Variants in RORA observed in about 807,000 individuals in gnomAD.
The protein encoded by RORA is RAR related orphan receptor A.
Under a neutral mutation model 69.5 loss-of-function variants are expected in RORA, and 7 were observed. The ratio of observed to expected loss-of-function variants is 0.10; its 90% CI spans 0.06 to 0.19. The LOEUF is 0.19. RORA is among the 10% of genes least tolerant of loss of function. The pLI, the probability that RORA is intolerant of heterozygous loss-of-function variation, is 1.00. For missense variants in RORA, 457 were observed against 663.0 expected (o/e 0.69, Z 3.41); for synonymous variants, 261 against 240.8 (o/e 1.08, Z -0.78).
intron 2 of RORA, among the ~76,000 whole-genome samples, chr15:60,573,574 G>A (rs186586699): frequency 7.2e-5 from 11 of 152,274 alleles, no homozygotes; most frequent in Non-Finnish European, 1.6e-4. Context: ...AACAACTCCC[G>A]TAGAATGAGG....
At chr15:60,533,502 A>G (rs562691421) in intron 2 of RORA, among the ~76,000 whole-genome samples, 108 of 152,244 alleles carry the variant, frequency 7.1e-4, no homozygotes, top group Non-Finnish European at 1.3e-3. Flanking sequence ...GAAATATGGT[A>G]TCTAATAATG....
chr15:60,623,818 G>T (rs974896681), intron 2 of RORA, among the ~76,000 whole-genome samples: 1 of 152,172 alleles, frequency 6.6e-6, no homozygotes, highest in Admixed American at 6.5e-5. Flanking sequence ...AAAACTATTG[G>T]TTGATCATTT....
At chr15:61,169,769 G>A (rs114226696) in intron 1 of RORA, among the ~76,000 whole-genome samples, 1,553 of 124,610 alleles carry the variant, frequency 0.012, 37 homozygotes, top group African/African-American at 0.039. Context: ...CCTTACAAAC[G>A]GCCTCAGAAA....
rs1478686529 is a variant in RORA, at chr15:60,493,058, T to C, written c.*4397A>G. On this transcript the variant is annotated 3_prime_UTR_variant, in exon 11 of 11. Transcript: ENST00000335670. ...AGGGCTTCTATCGTTGATACCAAGATGGATTGTCATTCACAGTAAGTCAAT... is the reference window on the plus strand; with the variant it reads ...AGGGCTTCTATCGTTGATACCAAGACGGATTGTCATTCACAGTAAGTCAAT... The C allele has an allele frequency of 6.6e-6, 1 of 152,190 alleles. No individual in the cohort carries two copies. The allele number at this position is 152,190 out of a possible 1,614,324, so 9.4% of individuals were successfully genotyped here. A position where few individuals can be genotyped will look rare whatever the true frequency, so the allele number is the denominator to read the frequency against.
intron 2 of RORA, among the ~76,000 whole-genome samples, chr15:60,622,082 A>G (rs1424909139): frequency 1.3e-5 from 2 of 152,018 alleles, no homozygotes; most frequent in East Asian, 1.9e-4. Flanking sequence ...CCCTCCATGT[A>G]GTACCCATAG....
At chr15:60,742,658 A>G (rs2071589795) in intron 1 of RORA, among the ~76,000 whole-genome samples, 1 of 152,182 alleles carries the variant, frequency 6.6e-6, no homozygotes, top group African/African-American at 2.4e-5. Flanking sequence ...AGTCTTTGCT[A>G]ACACTATTCT....
chr15:61,137,545 T>C (rs1231575505), intron 1 of RORA, among the ~76,000 whole-genome samples: 2 of 24,710 alleles, frequency 8.1e-5, no homozygotes, highest in Non-Finnish European at 1.8e-4. Context: ...CAGTTAAAAG[T>C]GGCATCAGCT....
chr15:60,700,964 C>T (rs551191632), intron 1 of RORA, among the ~76,000 whole-genome samples: 87 of 152,260 alleles, frequency 5.7e-4, no homozygotes, highest in Non-Finnish European at 1.1e-3. Flanking sequence ...ATGTTTCATT[C>T]GCCGACTGCC....
At chr15:60,934,387 GA>G (rs200814455) in intron 1 of RORA, among the ~76,000 whole-genome samples, 3 of 149,696 alleles carry the variant, frequency 2.0e-5, no homozygotes, top group East Asian at 3.9e-4. Context: ...CTTGTAAAAA[GA>G]AAAAAAAACA....
chr15:60,646,782 G>A (rs939329709), intron 2 of RORA, among the ~76,000 whole-genome samples: 1 of 152,180 alleles, frequency 6.6e-6, no homozygotes, highest in Non-Finnish European at 1.5e-5. Context: ...ATCAGAAACT[G>A]GAAAGTCTCA....
At chr15:60,587,802 G>C (rs1306553116) in intron 2 of RORA, among the ~76,000 whole-genome samples, 1 of 152,176 alleles carries the variant, frequency 6.6e-6, no homozygotes, top group Non-Finnish European at 1.5e-5. Flanking sequence ...CTGAAAATAT[G>C]ATGAGGGCTA....
At position 61,147,053 on chromosome 15, in the gene RORA, C is replaced by T. The variant is rs1219289447; in HGVS notation, c.166+82000G>A. ...CGGGGGAACTAAATGGATTCCATTT[C>T]CTCTGCCACCTCTGAGTGCTTGGAG... is the stretch of plus-strand genomic sequence containing the variant. On this transcript the variant is annotated intron_variant, in intron 1 of 10. Transcript: ENST00000335670. The surrounding 1 kb of genome is among the most constrained non-coding windows in gnomAD (Gnocchi z 4.1). Among the ~76,000 whole-genome samples the T allele has an allele frequency of 6.6e-6, 1 of 152,034 alleles. No individual in the cohort carries two copies. Among genetic ancestry groups the T allele is most frequent in the African/African-American group, 2.4e-5 (1 of 41,402 alleles).
At chr15:61,098,563 G>C (rs374404572) in intron 1 of RORA, among the ~76,000 whole-genome samples, 2 of 151,928 alleles carry the variant, frequency 1.3e-5, no homozygotes, top group Non-Finnish European at 2.9e-5. Flanking sequence ...GGCTAGTCTC[G>C]AGCTCCTGGG....
intron 1 of RORA, among the ~76,000 whole-genome samples, chr15:60,944,894 C>T (rs899604986): frequency 2.0e-5 from 3 of 152,176 alleles, no homozygotes; most frequent in Admixed American, 6.5e-5. Flanking sequence ...TGACTTCCCA[C>T]TGACTGACCT....
At chr15:60,837,690 C>T (rs1044928018) in intron 1 of RORA, among the ~76,000 whole-genome samples, 1 of 152,222 alleles carries the variant, frequency 6.6e-6, no homozygotes, top group African/African-American at 2.4e-5. Context: ...ACCATTTCCC[C>T]CGCTAAAGAG....
intron 8 of RORA, 109 bp downstream of exon 8, chr15:60,502,651 T>A (rs2065367889): frequency 2.6e-6 from 2 of 767,120 alleles, no homozygotes; most frequent in Admixed American, 2.3e-5. Flanking sequence ...AACCCCTTAA[T>A]TTTTGTTTCT....
intron 1 of RORA, among the ~76,000 whole-genome samples, chr15:61,070,850 AG>A (rs1324689471): frequency 1.3e-5 from 2 of 152,156 alleles, no homozygotes; most frequent in African/African-American, 4.8e-5. Context: ...ATAAGCTAGC[AG>A]GGGAGCCCAA....
rs1192372298 is a variant in RORA, at chr15:60,497,315, C to T, written c.*140G>A. The T allele has an allele frequency of 3.1e-6, 2 of 638,142 alleles. No individual in the cohort carries two copies. The highest frequency in any genetic ancestry group is 5.3e-6 in the Non-Finnish European group (2 of 376,220). 39.5% of individuals were successfully genotyped at this position (638,142 alleles called of 1,614,324 possible). The stretch of plus-strand genomic sequence containing the variant: ...TGTTTTCATTGTTTCCCCTCCTTTG[C>T]CTGACCCCGATCACCAAAAGATGTG... On this transcript the variant is annotated 3_prime_UTR_variant, in exon 11 of 11. Transcript: ENST00000335670.
intron 1 of RORA, among the ~76,000 whole-genome samples, chr15:60,826,527 G>C (rs1379851031): frequency 6.6e-6 from 1 of 152,164 alleles, no homozygotes; most frequent in Non-Finnish European, 1.5e-5. Flanking sequence ...ACCAGTTCTA[G>C]GCGCTACACT....
Sources: gnomAD v4.1 joint callset for allele counts (sites outside exome capture counted in the v4.1 genomes callset) on GRCh38, gnomAD v4.1.1 for gene constraint, Gnocchi (gnomAD v3.1) non-coding constraint, MANE v1.5 for transcripts, NCBI Gene and HGNC (gene_info 2026-07-23, HGNC 2026-07-21) for gene names.